Variants in TCHH observed in about 807,000 individuals in gnomAD.
TCHH encodes trichohyalin.
In TCHH, 6 loss-of-function variants were observed where a neutral mutation model predicts 6.3. The observed-to-expected ratio is 0.95, with a 90% CI of 0.52 to 1.88. The LOEUF (loss-of-function observed/expected upper bound fraction) is 1.88. Ranked by LOEUF, TCHH falls within the 40% of genes most tolerant of loss-of-function variation. TCHH has a pLI of 0.01. For missense variants in TCHH, 2,920 were observed against 2,449.1 expected (o/e 1.19, Z -4.06); for synonymous variants, 1,087 against 963.6 (o/e 1.13, Z -2.37).
chr1:152,108,416 C>G lies in TCHH; in HGVS notation c.4801G>C (p.Glu1601Gln). ...QEQERKFMED[E>Q]QQLRRQEGQQ... ...CCCTCCTGGCGGCGCAGCTGCTGTTCGTCCTCCATGAATTTTCTCTCTTGT... is the reference window on the plus strand; with the variant it reads ...CCCTCCTGGCGGCGCAGCTGCTGTTGGTCCTCCATGAATTTTCTCTCTTGT... The change falls in exon 3 of 3, where the codon GAA becomes CAA. Residue 1601 changes from glutamate (E) to glutamine (Q), a missense_variant. Transcript: ENST00000614923. 1.9e-6 allele frequency: 3 copies of G among 1,613,320 alleles called. No homozygotes were observed. The highest frequency in any genetic ancestry group is 1.3e-5 in the African/African-American group (1 of 74,742).
chr1:152,107,526 T>A lies in TCHH; in HGVS notation c.5691A>T (p.Gln1897His), dbSNP rs753543239. Residue 1897 changes from glutamine (Q) to histidine (H), a missense_variant, in exon 3 of 3, where the codon CAA (glutamine) becomes CAT (histidine). Physicochemically the swap from Gln to His is conservative, Grantham distance 24. Transcript: ENST00000614923. ...CTTCTTGGGATTTTATCTCCCCGAC[T>A]TGGCGGTGCCTCTGTTCCTCCTTCT... ...RQQKEEQRHR[Q>H]VGEIKSQEGK... 6.2e-7 allele frequency: 1 copy of A among 1,614,238 alleles called. No homozygotes were observed. The highest frequency in any genetic ancestry group is 1.1e-5 in the South Asian group (1 of 91,086).
chr1:152,110,216 C>T lies in TCHH; in HGVS notation c.3001G>A (p.Glu1001Lys). The change falls in exon 3 of 3, where the codon GAG (glutamate) becomes AAG (lysine). Residue 1001 changes from glutamate to lysine, a missense_variant. Transcript: ENST00000614923. ...REEEELQQEE[E>K]QLLREEREKR... ...TCCCGTTCCTCTCTCAGCAGCTGCT[C>T]TTCCTCCTGCTGCAACTCCTCTTCC... 6.2e-7 allele frequency: 1 copy of T among 1,609,648 alleles called. No individual in the cohort carries two copies. Among genetic ancestry groups the T allele is most frequent in the East Asian group, 2.2e-5 (1 of 44,448 alleles).
Position 152,109,963 on chromosome 1 carries a change from T to C in TCHH, c.3254A>G (p.Glu1085Gly). ...ELERQYRKEE[E>G]LQQEEEQLLR... ...CAGCTGCTCTTCCTCCTGCTGCAGC[T>C]CCTCTTCCTTCCGATATTGCCTCTC... The change falls in exon 3 of 3, where the codon GAG becomes GGG. Residue 1085 changes from glutamate to glycine, a missense_variant. Physicochemically the swap from Glu to Gly is moderately conservative, Grantham distance 98. Transcript: ENST00000614923. 2 of 1,579,510 alleles carry C rather than the reference T, an allele frequency of 1.3e-6. No homozygotes were observed. The highest frequency in any genetic ancestry group is 1.7e-6 in the Non-Finnish European group (2 of 1,165,126).
chr1:152,108,995 G>C lies in TCHH; in HGVS notation c.4222C>G (p.Leu1408Val). ...QLRCQEREQQ[L>V]RQDRDRKFRE... is the part of the protein sequence containing the mutation. ...AATTTTCTGTCGCGGTCCTGACGCA[G>C]CTGTTGCTCGCGCTCCTGGCAGCGC... is the stretch of plus-strand genomic sequence containing the variant. The change falls in exon 3 of 3, where the codon CTG becomes GTG. Residue 1408 changes from leucine (L) to valine (V), a missense_variant. By Grantham distance (32) the Leu-to-Val change is conservative (BLOSUM62 1). Coordinates refer to ENST00000614923, the MANE Select transcript of TCHH (RefSeq NM_007113.4). The C allele has an allele frequency of 6.2e-7, 1 of 1,612,798 alleles. No homozygotes were observed. The highest frequency in any genetic ancestry group is 2.2e-5 in the East Asian group (1 of 44,722).
rs755708651 is a variant in TCHH, at chr1:152,107,522, C to T, written c.5695G>A (p.Gly1899Arg). ...QKEEQRHRQVGEIKSQEGKGH... is the reference protein window; with the variant it reads ...QKEEQRHRQVREIKSQEGKGH... ...TTCCCTTCTTGGGATTTTATCTCCC[C>T]GACTTGGCGGTGCCTCTGTTCCTCC... is the stretch of plus-strand genomic sequence containing the variant. The change falls in exon 3 of 3, where the codon GGG (glycine) becomes AGG (arginine). Residue 1899 changes from glycine to arginine, a missense_variant. Coordinates refer to ENST00000614923, the MANE Select transcript of TCHH (RefSeq NM_007113.4). 7.4e-6 allele frequency: 12 copies of T among 1,614,066 alleles called. No individual in the cohort carries two copies. The highest frequency in any genetic ancestry group is 6.7e-5 in the Admixed American group (4 of 59,998).
In TCHH at chr1:152,107,831, TTC is replaced by T; in HGVS notation, c.5384_5385del (p.Arg1795LysfsTer23). 1 of 1,613,836 alleles carries T rather than the reference TTC, an allele frequency of 6.2e-7. No individual in the cohort carries two copies. The highest frequency in any genetic ancestry group is 8.5e-7 in the Non-Finnish European group (1 of 1,179,902). On this transcript the variant is annotated frameshift_variant, in exon 3 of 3. Transcript: ENST00000614923. LOFTEE classifies it low-confidence loss of function (END_TRUNC). ...CGTAGCTGTTCCTCCTCGCGGAATTTTCTGTCAGACTCTTGGCTGCGCAGCTG... is the reference window on the plus strand; with the variant it reads ...CGTAGCTGTTCCTCCTCGCGGAATTTTGTCAGACTCTTGGCTGCGCAGCTG... ...EQQLRSQESD[R>X]KFREEEQLRQ...
In TCHH at chr1:152,108,352, C is replaced by G. The variant is rs1416115247; in HGVS notation, c.4865G>C (p.Arg1622Pro). 4 of 1,610,308 alleles carry G rather than the reference C, an allele frequency of 2.5e-6. No homozygotes were observed. ...QLRQERDRKF[R>P]EDEQLLQERE... ...TTCCTGGAGCAGCTGTTCGTCTTCG[C>G]GGAATTTTCTGTCGCGCTCCTGGCG... Residue 1622 changes from arginine (R) to proline (P), a missense_variant, in exon 3 of 3, where the codon CGC (arginine) becomes CCC (proline). Transcript: ENST00000614923.
At position 152,108,846 on chromosome 1, in the gene TCHH, C is replaced by G; in HGVS notation, c.4371G>C (p.Gln1457His). ...CTTCGCGGAATTTTCTGTGACGCTCCTGGCGCAGCTGCTGTTCCTCCTCCA... is the reference window on the plus strand; with the variant it reads ...CTTCGCGGAATTTTCTGTGACGCTCGTGGCGCAGCTGCTGTTCCTCCTCCA... ...KFLEEEQQLR[Q>H]ERHRKFREEE... The change falls in exon 3 of 3, where the codon CAG (glutamine) becomes CAC (histidine). Residue 1457 changes from glutamine (Q) to histidine (H), a missense_variant. Gln to His is a conservative substitution (Grantham distance 24). Coordinates refer to ENST00000614923, the MANE Select transcript of TCHH (RefSeq NM_007113.4). The G allele has an allele frequency of 6.3e-7, 1 of 1,593,254 alleles. No homozygotes were observed. Among genetic ancestry groups the G allele is most frequent in the Non-Finnish European group, 8.5e-7 (1 of 1,171,596 alleles).
At position 152,107,235 on chromosome 1, in the gene TCHH, A is replaced by G. The variant is rs538894001; in HGVS notation, c.*150T>C. On this transcript the variant is annotated 3_prime_UTR_variant, in exon 3 of 3. Coordinates refer to ENST00000614923, the MANE Select transcript of TCHH (RefSeq NM_007113.4). ...GCAGAAGTACAAAGTGCGTAAAATGAGCGTAGTTTAAGATTTTGGAAGAAA... is the reference window on the plus strand; with the variant it reads ...GCAGAAGTACAAAGTGCGTAAAATGGGCGTAGTTTAAGATTTTGGAAGAAA... The G allele has an allele frequency of 1.3e-6, 1 of 789,660 alleles. No homozygotes were observed. Among genetic ancestry groups the G allele is most frequent in the East Asian group, 2.5e-5 (1 of 39,420 alleles). The allele number at this position is 789,660 out of a possible 1,614,324, so 48.9% of individuals were successfully genotyped here.
In TCHH at chr1:152,109,321, A is replaced by C; in HGVS notation, c.3896T>G (p.Leu1299Arg). The C allele has an allele frequency of 6.2e-7, 1 of 1,614,020 alleles. No homozygotes were observed. The highest frequency in any genetic ancestry group is 8.5e-7 in the Non-Finnish European group (1 of 1,180,000). The change falls in exon 3 of 3, where the codon CTG (leucine) becomes CGG (arginine). Residue 1299 changes from leucine (L) to arginine (R), a missense_variant. Physicochemically the swap from Leu to Arg is moderately radical, Grantham distance 102 (BLOSUM62 -2). Coordinates refer to ENST00000614923, the MANE Select transcript of TCHH (RefSeq NM_007113.4). ...RDRHFPEEEQ[L>R]EREEQKEAKR... ...GGCTTCCTTTTGCTCTTCTCGCTCC[A>C]GCTGTTCTTCCTCTGGGAAATGCCT... is the stretch of plus-strand genomic sequence containing the variant.
Position 152,112,922 on chromosome 1 carries a change from TCTC to T in TCHH, c.292_294del (p.Glu98del). 1 of 1,613,780 alleles carries T rather than the reference TCTC, an allele frequency of 6.2e-7. No homozygotes were observed. Among genetic ancestry groups the T allele is most frequent in the South Asian group, 1.1e-5 (1 of 91,062 alleles). ...TCCTTTCCGTCACACCGGGCTCGCT[TCTC>T]CTCATCCAGTCCCGTGGCCTGGCCG... On this transcript the variant is annotated inframe_deletion, in exon 3 of 3. Transcript: ENST00000614923.
At position 152,111,183 on chromosome 1, in the gene TCHH, T is replaced by A; in HGVS notation, c.2034A>T (p.Glu678Asp). Residue 678 changes from glutamate to aspartate, a missense_variant, in exon 3 of 3, where the codon GAA becomes GAT. Coordinates refer to ENST00000614923, the MANE Select transcript of TCHH (RefSeq NM_007113.4). ...CAGCTAGCTCCTGCTCGCGCCTCTC[T>A]TCCTCATGCTCGCGCTTCAGCCGCT... ...LEQRLKREHE[E>D]ERREQELAEE... 2 of 1,601,882 alleles carry A rather than the reference T, an allele frequency of 1.2e-6. No individual in the cohort carries two copies. The highest frequency in any genetic ancestry group is 2.3e-5 in the East Asian group (1 of 44,144).
chr1:152,114,179 T>C, intron 1 of TCHH, 68 bp from the exon 2 acceptor site: 1 of 1,126,342 alleles, frequency 8.9e-7, no homozygotes, highest in Non-Finnish European at 1.2e-6. Context: ...TCATTCACAC[T>C]ATTTCAGGCA....
chr1:152,110,886 G>A lies in TCHH; in HGVS notation c.2331C>T (p.Ser777=). 6.2e-7 allele frequency: 1 copy of A among 1,609,688 alleles called. No homozygotes were observed. Among genetic ancestry groups the A allele is most frequent in the South Asian group, 1.1e-5 (1 of 91,000 alleles). The change falls in exon 3 of 3, where the codon AGC becomes AGT. Residue 777 remains serine (S), a synonymous_variant. Transcript: ENST00000614923. Reference sequence around the variant, plus strand: ...CCGACAGCCTCTGACGGCCCCTCTCGCTCTTTTCCTCCGCCTGCCACTGCC... The same window carrying A: ...CCGACAGCCTCTGACGGCCCCTCTCACTCTTTTCCTCCGCCTGCCACTGCC... ...FTWQWQAEEK[S]ERGRQRLSAR...
chr1:152,113,102 AT>A (rs758431247), intron 2 of TCHH, 24 bp from the exon 3 acceptor site: 3 of 1,552,888 alleles, frequency 1.9e-6, no homozygotes, highest in Non-Finnish European at 2.6e-6. Context: ...GAAAACAAAA[AT>A]TTTACAATGC....
In TCHH at chr1:152,107,944, TC is replaced by T; in HGVS notation, c.5272del (p.Glu1758LysfsTer144). 6.2e-7 allele frequency: 1 copy of T among 1,601,556 alleles called. No individual in the cohort carries two copies. Among genetic ancestry groups the T allele is most frequent in the Non-Finnish European group, 8.5e-7 (1 of 1,174,006 alleles). On this transcript the variant is annotated frameshift_variant, in exon 3 of 3. Coordinates refer to ENST00000614923, the MANE Select transcript of TCHH (RefSeq NM_007113.4). LOFTEE classifies it low-confidence loss of function (END_TRUNC). The stretch of plus-strand genomic sequence containing the variant: ...GCGGCGCAGCTGCTGTTCTTCCCTT[TC>T]CGGACGGAGCTGCTCTTCCTCTAGG... Reference protein sequence around the residue: ...KILEEEQLRPEREEQQLRRQE... With the variant: ...KILEEEQLRPXREEQQLRRQE...
rs377679680 is a variant in TCHH at position 152,110,718 on chromosome 1, G to C, written c.2499C>G (p.Phe833Leu). The stretch of plus-strand genomic sequence containing the variant: ...GCTGGAGCTGCTCCTCTTCCTCCAG[G>C]AACTGCAGCTCTTTCTCCCTCTCGC... ...QRREREKELQ[F>L]LEEEEQLQRR... is the part of the protein sequence containing the mutation. Residue 833 changes from phenylalanine to leucine, a missense_variant, in exon 3 of 3, where the codon TTC becomes TTG. Physicochemically the swap from Phe to Leu is conservative, Grantham distance 22. Transcript: ENST00000614923. 6.2e-7 allele frequency: 1 copy of C among 1,611,402 alleles called. No individual in the cohort carries two copies. The highest frequency in any genetic ancestry group is 8.5e-7 in the Non-Finnish European group (1 of 1,179,952).
chr1:152,108,258 G>A lies in TCHH; in HGVS notation c.4959C>T (p.Arg1653=). The A allele has an allele frequency of 1.2e-6, 2 of 1,613,002 alleles. No individual in the cohort carries two copies. The highest frequency in any genetic ancestry group is 1.1e-5 in the South Asian group (1 of 90,952). The part of the protein sequence containing the change: ...RKFLEEEPQL[R]RQEREQQLRH... ...GCAGCTGTTGTTCGCGCTCCTGGCG[G>A]CGCAGCTGCGGTTCCTCCTCGAGGA... Residue 1653 remains arginine, a synonymous_variant, in exon 3 of 3, where the codon CGC becomes CGT. Transcript: ENST00000614923.
chr1:152,107,837 C>CA lies in TCHH; in HGVS notation c.5379dup (p.Asp1794Ter). On this transcript the variant is annotated frameshift_variant, in exon 3 of 3. Coordinates refer to ENST00000614923, the MANE Select transcript of TCHH (RefSeq NM_007113.4). LOFTEE classifies it low-confidence loss of function (END_TRUNC). ...TGTTCCTCCTCGCGGAATTTTCTGT[C>CA]AGACTCTTGGCTGCGCAGCTGCTGT... 1 of 1,613,796 alleles carries CA rather than the reference C, an allele frequency of 6.2e-7. No individual in the cohort carries two copies. The highest frequency in any genetic ancestry group is 8.5e-7 in the Non-Finnish European group (1 of 1,179,914).
Sources: gnomAD v4.1 joint callset for allele counts on GRCh38, gnomAD v4.1.1 for gene constraint, MANE v1.5 for transcripts, NCBI Gene and HGNC (gene_info 2026-07-23, HGNC 2026-07-21) for gene names.